Variants in BEGAIN observed in about 807,000 individuals in gnomAD.
BEGAIN encodes the protein brain-enriched guanylate kinase-associated protein.
Under a neutral mutation model 35.8 loss-of-function variants are expected in BEGAIN, and 19 were observed. The ratio of observed to expected loss-of-function variants is 0.53; its 90% CI spans 0.37 to 0.78. The LOEUF is 0.78. Among genes scored for constraint, BEGAIN ranks in the 30% least tolerant of loss-of-function variants. The probability of loss-of-function intolerance (pLI) is 0.00; values close to 1 mark genes in which losing one functional copy is unlikely to be tolerated. For synonymous variants in BEGAIN, 462 were observed against 388.6 expected (o/e 1.19, Z -2.22); for missense variants, 795 against 853.6 (o/e 0.93, Z 0.85).
intron 1 of BEGAIN, among the ~76,000 whole-genome samples, chr14:100,577,145 C>G (rs1005262789): frequency 1.3e-5 from 2 of 152,228 alleles, no homozygotes; most frequent in African/African-American, 4.8e-5. Context: ...CTGCCTGCCC[C>G]AAAGCCAGAA....
intron 2 of BEGAIN, among the ~76,000 whole-genome samples, chr14:100,566,169 C>T (rs79370118): frequency 8.5e-5 from 13 of 152,226 alleles, no homozygotes; most frequent in Non-Finnish European, 1.6e-4. Flanking sequence ...CCACATGGCC[C>T]GATGCAGCCC....
intron 2 of BEGAIN, 81 bp from the exon 3 acceptor site, chr14:100,546,743 C>G (rs551815044): frequency 7.4e-7 from 1 of 1,358,450 alleles, no homozygotes; most frequent in Non-Finnish European, 9.6e-7. Context: ...CGGGGCGTGC[C>G]GCACTAACAC....
intron 1 of BEGAIN, among the ~76,000 whole-genome samples, chr14:100,574,998 C>T (rs1485134912): frequency 2.6e-5 from 4 of 152,174 alleles, no homozygotes; most frequent in Non-Finnish European, 4.4e-5. Context: ...TGATAACCGG[C>T]GGTCCTAGAG....
intron 1 of BEGAIN, among the ~76,000 whole-genome samples, chr14:100,579,050 A>G (rs530184740): frequency 1.3e-5 from 2 of 152,210 alleles, no homozygotes; most frequent in East Asian, 3.9e-4. Context: ...TTGTAGACAC[A>G]GAGTTTCACC....
At position 100,567,892 on chromosome 14, in the gene BEGAIN, C is replaced by T. The variant is rs895412897; in HGVS notation, c.71+19G>A. The T allele has an allele frequency of 2.0e-6, 3 of 1,465,404 alleles. No homozygotes were observed. The highest frequency in any genetic ancestry group is 2.5e-5 in the South Asian group (2 of 79,698). The allele number at this position is 1,465,404 out of a possible 1,614,324, so 90.8% of individuals were successfully genotyped here. On this transcript the variant is annotated intron_variant, in intron 2 of 6. Coordinates refer to ENST00000554140, the MANE Select transcript of BEGAIN (RefSeq NM_001385089.1). The surrounding 1 kb of genome is among the most constrained non-coding windows in gnomAD (Gnocchi z 5.1). ...GACCCGGCCCCCGCGAGCCGCGGCA[C>T]GGGAGACGCTCCACTCACCTGAGTT...
At chr14:100,569,009 C>T (rs2034962667) in intron 1 of BEGAIN, 1 of 925,392 alleles carries the variant, frequency 1.1e-6, no homozygotes, top group African/African-American at 1.8e-5. Flanking sequence ...TCCCCCACCG[C>T]CCCGCCGGGC....
chr14:100,554,092 T>C (rs985528847), intron 2 of BEGAIN, among the ~76,000 whole-genome samples: 3 of 152,190 alleles, frequency 2.0e-5, no homozygotes, highest in Non-Finnish European at 4.4e-5. Flanking sequence ...CCTGCCGGGC[T>C]GGGGGAGGAC....
At chr14:100,551,971 C>T (rs183232074) in intron 2 of BEGAIN, among the ~76,000 whole-genome samples, 6 of 152,258 alleles carry the variant, frequency 3.9e-5, no homozygotes, top group African/African-American at 9.6e-5. Flanking sequence ...TGCTGCTGAG[C>T]GAACAGAAAA....
At chr14:100,556,130 G>A (rs1472881925) in intron 2 of BEGAIN, among the ~76,000 whole-genome samples, 3 of 152,120 alleles carry the variant, frequency 2.0e-5, no homozygotes, top group Admixed American at 1.3e-4. Flanking sequence ...CCACCCTGAC[G>A]GTGTGGATTT....
chr14:100,554,093 G>C (rs911320566), intron 2 of BEGAIN, among the ~76,000 whole-genome samples: 4 of 152,214 alleles, frequency 2.6e-5, no homozygotes, highest in African/African-American at 7.2e-5. Context: ...CTGCCGGGCT[G>C]GGGGAGGACG....
At chr14:100,582,136 CCTTT>C (rs748919982) in intron 1 of BEGAIN, among the ~76,000 whole-genome samples, 5 of 151,984 alleles carry the variant, frequency 3.3e-5, no homozygotes, top group South Asian at 4.2e-4. Context: ...TATTTTTTTT[CCTTT>C]CTTTCTTTTT....
chr14:100,567,636 G>A lies in BEGAIN; in HGVS notation c.71+275C>T, dbSNP rs956900656. 5.6e-4 allele frequency among the ~76,000 whole-genome samples: 85 copies of A among 151,784 alleles called. 1 individual carries two copies. Among genetic ancestry groups the A allele is most frequent in the East Asian group, 2.4e-3 (12 of 5,098 alleles). The stretch of plus-strand genomic sequence containing the variant: ...CGCTGAGGACCGCACAGGACCAGGC[G>A]GCCCCGGGTAGGGGGCAGCCCGGCC... On this transcript the variant is annotated intron_variant, in intron 2 of 6. Coordinates refer to ENST00000554140, the MANE Select transcript of BEGAIN (RefSeq NM_001385089.1). This position sits in a 1 kb window ranked among gnomAD's most constrained non-coding sequence, Gnocchi z 5.1.
intron 2 of BEGAIN, among the ~76,000 whole-genome samples, chr14:100,551,556 A>G (rs1233375441): frequency 6.6e-6 from 1 of 152,286 alleles, no homozygotes; most frequent in Non-Finnish European, 1.5e-5. Flanking sequence ...CAATAAGGCA[A>G]GCAAAGAAAT....
At chr14:100,580,914 G>A (rs1225773630) in intron 1 of BEGAIN, among the ~76,000 whole-genome samples, 1 of 152,168 alleles carries the variant, frequency 6.6e-6, no homozygotes, top group African/African-American at 2.4e-5. Flanking sequence ...ATATAGGGGA[G>A]GGATCTCAGG....
rs970519354 is a variant in BEGAIN at position 100,586,621 on chromosome 14, A to G, written c.42+628T>C. On this transcript the variant is annotated intron_variant, in intron 1 of 6. Coordinates refer to ENST00000554140, the MANE Select transcript of BEGAIN (RefSeq NM_001385089.1). The surrounding 1 kb of genome is among the most constrained non-coding windows in gnomAD (Gnocchi z 4.9). ...TCAGGGAGGGTGAGCGCGCCGGCTGAGCCGCTCTGGGCGAGGCCCTGGCCT... is the reference window on the plus strand; with the variant it reads ...TCAGGGAGGGTGAGCGCGCCGGCTGGGCCGCTCTGGGCGAGGCCCTGGCCT... Among the ~76,000 whole-genome samples, 2 of 152,142 alleles carry G rather than the reference A, an allele frequency of 1.3e-5. No homozygotes were observed. The highest frequency in any genetic ancestry group is 6.5e-5 in the Admixed American group (1 of 15,286).
intron 2 of BEGAIN, among the ~76,000 whole-genome samples, chr14:100,565,986 T>C (rs528936563): frequency 1.3e-5 from 2 of 152,300 alleles, no homozygotes; most frequent in South Asian, 2.1e-4. Flanking sequence ...AGGCACCAAA[T>C]GCAGGACAGA....
intron 5 of BEGAIN, among the ~76,000 whole-genome samples, chr14:100,542,205 C>T (rs998478004): frequency 5.9e-5 from 9 of 152,224 alleles, no homozygotes; most frequent in South Asian, 2.1e-4. Flanking sequence ...ACTCCACCAC[C>T]GACCTCCAGT....
chr14:100,576,867 A>G (rs2035214347), intron 1 of BEGAIN, among the ~76,000 whole-genome samples: 1 of 152,202 alleles, frequency 6.6e-6, no homozygotes, highest in Non-Finnish European at 1.5e-5. Context: ...TCTACAGCCC[A>G]AGCCCGGACT....
chr14:100,540,208 G>T lies in BEGAIN; in HGVS notation c.492+288C>A, dbSNP rs371444729. ...CACTCTGCCGTGTCAGCGCTCAGTGGAAGCAAGGACCTGGAGCAGCCCCCC... is the reference window on the plus strand; with the variant it reads ...CACTCTGCCGTGTCAGCGCTCAGTGTAAGCAAGGACCTGGAGCAGCCCCCC... On this transcript the variant is annotated intron_variant, in intron 6 of 6. Coordinates refer to ENST00000554140, the MANE Select transcript of BEGAIN (RefSeq NM_001385089.1). The T allele has an allele frequency of 9.2e-4, 425 of 464,338 alleles. 3 individuals are homozygous for T. The East Asian group carries it at 0.011, about 12-fold the overall frequency. The allele number at this position is 464,338 out of a possible 1,614,324, so 28.8% of individuals were successfully genotyped here.
Sources: gnomAD v4.1 joint callset for allele counts (sites outside exome capture counted in the v4.1 genomes callset) on GRCh38, gnomAD v4.1.1 for gene constraint, Gnocchi (gnomAD v3.1) non-coding constraint, MANE v1.5 for transcripts, NCBI Gene and HGNC (gene_info 2026-07-23, HGNC 2026-07-21) for gene names.